ABCA12: variants seen among roughly 807,000 people sequenced by gnomAD.
The protein encoded by ABCA12 is glucosylceramide transporter ABCA12.
ABCA12 carries 156 observed loss-of-function variants against 293.5 expected under a neutral mutation model. The ratio of observed to expected loss-of-function variants is 0.53; its 90% CI spans 0.47 to 0.61. The LOEUF (loss-of-function observed/expected upper bound fraction) is 0.61. ABCA12 is among the 20% of genes least tolerant of loss of function. The probability of loss-of-function intolerance (pLI) is 0.00; values close to 1 mark genes in which losing one functional copy is unlikely to be tolerated. For synonymous variants in ABCA12, 1,063 were observed against 1,108.0 expected, an observed-to-expected ratio of 0.96 and a Z score of 0.81; for missense variants, 2,797 against 3,090.2, an observed-to-expected ratio of 0.91 and a Z score of 2.25.
chr2:215,015,062 A>G (rs973554075), intron 15 of ABCA12, among the ~76,000 whole-genome samples: 3 of 151,648 alleles, frequency 2.0e-5, no homozygotes, highest in African/African-American at 7.3e-5. Context: ...GAAACAGGAA[A>G]TTTTTTTTTA....
In ABCA12 at chr2:214,978,417, A is replaced by T. The variant is rs201291268; in HGVS notation, c.5027T>A (p.Leu1676His). 2 of 1,613,854 alleles carry T rather than the reference A, an allele frequency of 1.2e-6. No individual in the cohort carries two copies. The change falls in exon 33 of 53, where the codon CTT (leucine) becomes CAT (histidine). Residue 1676 changes from leucine to histidine, a missense_variant. Transcript: ENST00000272895. ...AATTTTCTTTTGTGTTAAGTGCTCA[A>T]GACTCATAGCACTATTTTTTTGTGA... is the stretch of plus-strand genomic sequence containing the variant. ...KESQKNSAMS[L>H]EHLTQKKIGN... is the part of the protein sequence containing the mutation.
At chr2:215,065,752 G>A (rs1701629171) in intron 2 of ABCA12, among the ~76,000 whole-genome samples, 1 of 152,018 alleles carries the variant, frequency 6.6e-6, no homozygotes, top group African/African-American at 2.4e-5. Context: ...ACCAAATTCT[G>A]GGCTTCTGAC....
In ABCA12 at chr2:214,947,711, AT is replaced by A. The variant is rs1203963653; in HGVS notation, c.7105-156del. 4 of 854,594 alleles carry A rather than the reference AT, an allele frequency of 4.7e-6. No homozygotes were observed. The African/African-American group carries it at 6.9e-5, about 15-fold the overall frequency. 52.9% of individuals were successfully genotyped at this position (854,594 alleles called of 1,614,324 possible). On this transcript the variant is annotated intron_variant, in intron 47 of 52. Coordinates refer to ENST00000272895, the MANE Select transcript of ABCA12 (RefSeq NM_173076.3). ...AACACTTAAATTCAACATAGATTTT[AT>A]TTTCAAAGAATCACTTAAGGATTAA...
At chr2:215,007,143 G>A (rs150499502) in intron 19 of ABCA12, among the ~76,000 whole-genome samples, 124 of 152,226 alleles carry the variant, frequency 8.1e-4, no homozygotes, top group African/African-American at 2.9e-3. Flanking sequence ...CCAAAGTGCT[G>A]GGATTACAGG....
At chr2:215,095,136 C>G (rs1307756424) in intron 2 of ABCA12, among the ~76,000 whole-genome samples, 1 of 152,142 alleles carries the variant, frequency 6.6e-6, no homozygotes. Flanking sequence ...TAGGCCTTGA[C>G]TTACTCATTG....
At chr2:215,099,679 G>A (rs914363743) in intron 2 of ABCA12, among the ~76,000 whole-genome samples, 47 of 133,030 alleles carry the variant, frequency 3.5e-4, no homozygotes, top group African/African-American at 1.1e-3. Context: ...GTGACAGAGC[G>A]AGACTTCATC....
At chr2:214,988,654 T>C (rs1699839137) in intron 26 of ABCA12, among the ~76,000 whole-genome samples, 1 of 152,172 alleles carries the variant, frequency 6.6e-6, no homozygotes. Context: ...AAATTCTCCT[T>C]AGAATTAGGA....
intron 3 of ABCA12, among the ~76,000 whole-genome samples, chr2:215,060,717 T>C (rs1701511738): frequency 6.6e-6 from 1 of 152,118 alleles, no homozygotes; most frequent in African/African-American, 2.4e-5. Context: ...ACACCTGTTT[T>C]ACTTCCAGTT....
At chr2:215,017,981 T>C (rs756494150) in intron 14 of ABCA12, 27 bp downstream of exon 14, 54 of 1,613,974 alleles carry the variant, frequency 3.3e-5, no homozygotes, top group Non-Finnish European at 4.6e-5. Flanking sequence ...AAGAACTGCA[T>C]GTAAGTACAA....
intron 50 of ABCA12, among the ~76,000 whole-genome samples, chr2:214,939,768 A>G (rs952579718): frequency 3.3e-5 from 5 of 151,894 alleles, no homozygotes; most frequent in Admixed American, 2.6e-4. Flanking sequence ...CTGTTTGTCT[A>G]TTATTGGTGT....
chr2:215,072,592 G>C (rs1701758567), intron 2 of ABCA12, among the ~76,000 whole-genome samples: 1 of 152,134 alleles, frequency 6.6e-6, no homozygotes, highest in African/African-American at 2.4e-5. Context: ...CGTCTTTTCT[G>C]AATGTTAAGG....
At chr2:215,113,906 G>A (rs1575053141) in intron 1 of ABCA12, among the ~76,000 whole-genome samples, 1 of 152,162 alleles carries the variant, frequency 6.6e-6, no homozygotes, top group East Asian at 1.9e-4. Context: ...CTTAAAATTA[G>A]TTATGAATTC....
chr2:214,978,891 G>C lies in ABCA12; in HGVS notation c.4890C>G (p.Ala1630=), dbSNP rs1170224408. The C allele has an allele frequency of 6.2e-6, 10 of 1,613,924 alleles. No homozygotes were observed. The highest frequency in any genetic ancestry group is 8.5e-6 in the Non-Finnish European group (10 of 1,179,978). The change falls in exon 32 of 53, where the codon GCC becomes GCG. Residue 1630 remains alanine, a synonymous_variant. Transcript: ENST00000272895. ...LPPFSTKVSG[A]YLSLLRALDN... ...CGAGTGCCCGTAGGAGTGACAGGTA[G>C]GCCCCTGAGACTTTGGTGCTGAATG...
chr2:214,981,929 AC>A (rs1409518437), intron 30 of ABCA12, among the ~76,000 whole-genome samples: 1 of 144,820 alleles, frequency 6.9e-6, no homozygotes, highest in African/African-American at 2.6e-5. Context: ...GCCAGCCACC[AC>A]AGTCAGCTGT....
At chr2:214,974,710 C>T in intron 35 of ABCA12, 68 bp downstream of exon 35, 1 of 1,408,178 alleles carries the variant, frequency 7.1e-7, no homozygotes, top group South Asian at 1.2e-5. Flanking sequence ...CACACACACC[C>T]ACATACACAT....
At chr2:215,024,629 G>A (rs1033957738) in intron 11 of ABCA12, among the ~76,000 whole-genome samples, 3 of 152,104 alleles carry the variant, frequency 2.0e-5, no homozygotes, top group Admixed American at 6.5e-5. Context: ...TAAAATGTAG[G>A]TAATGGTAAG....
intron 42 of ABCA12, among the ~76,000 whole-genome samples, chr2:214,955,904 A>G (rs1698932887): frequency 6.6e-6 from 1 of 152,224 alleles, no homozygotes; most frequent in African/African-American, 2.4e-5. Flanking sequence ...ATATGGTATT[A>G]TCCCGCCTAG....
At chr2:215,002,671 G>A (rs1417921890) in intron 20 of ABCA12, among the ~76,000 whole-genome samples, 2 of 152,122 alleles carry the variant, frequency 1.3e-5, no homozygotes. Context: ...AGATGTTGGT[G>A]GGGGAGGGGT....
intron 2 of ABCA12, among the ~76,000 whole-genome samples, chr2:215,107,811 T>A (rs1702493801): frequency 6.6e-6 from 1 of 152,214 alleles, no homozygotes; most frequent in Admixed American, 6.5e-5. Context: ...TGTTGTGGGA[T>A]CCATGCATGT....
Sources: gnomAD v4.1 joint callset for allele counts (sites outside exome capture counted in the v4.1 genomes callset) on GRCh38, gnomAD v4.1.1 for gene constraint, MANE v1.5 for transcripts, NCBI Gene and HGNC (gene_info 2026-07-23, HGNC 2026-07-21) for gene names.